KCNH5: variants seen among roughly 807,000 people sequenced by gnomAD.
KCNH5 encodes the protein voltage-gated delayed rectifier potassium channel KCNH5.
Under a neutral mutation model 96.1 loss-of-function variants are expected in KCNH5, and 46 were observed. The ratio of observed to expected loss-of-function variants is 0.48; its 90% CI spans 0.38 to 0.61. The LOEUF is 0.61. Among genes scored for constraint, KCNH5 ranks in the 20% least tolerant of loss-of-function variants. The pLI, the probability that KCNH5 is intolerant of heterozygous loss-of-function variation, is 0.00. For missense variants in KCNH5, 907 were observed against 1,225.8 expected, an observed-to-expected ratio of 0.74 and a Z score of 3.88; for synonymous variants, 439 against 449.8, an observed-to-expected ratio of 0.98 and a Z score of 0.30.
intron 7 of KCNH5, among the ~76,000 whole-genome samples, chr14:62,874,737 C>A (rs1463280700): frequency 7.4e-6 from 1 of 135,258 alleles, no homozygotes; most frequent in African/African-American, 2.8e-5. Flanking sequence ...CAATATCATA[C>A]TGAATGGGCA....
chr14:62,964,978 A>G (rs891548514), intron 6 of KCNH5, among the ~76,000 whole-genome samples: 4 of 152,098 alleles, frequency 2.6e-5, no homozygotes, highest in Non-Finnish European at 5.9e-5. Context: ...TGTCTGGTGC[A>G]ATTTCTCTTT....
At chr14:63,015,465 C>T (rs1249375690) in intron 2 of KCNH5, among the ~76,000 whole-genome samples, 1 of 151,976 alleles carries the variant, frequency 6.6e-6, no homozygotes, top group Non-Finnish European at 1.5e-5. Flanking sequence ...ATGACTCTCT[C>T]TCTCTGCCTT....
At chr14:62,872,133 T>TGGTC (rs1384190868) in intron 7 of KCNH5, among the ~76,000 whole-genome samples, 2 of 152,242 alleles carry the variant, frequency 1.3e-5, no homozygotes, top group African/African-American at 4.8e-5. Context: ...TTTCATTTCC[T>TGGTC]GGTCATTCAT....
intron 8 of KCNH5, among the ~76,000 whole-genome samples, chr14:62,840,882 T>C (rs1195632385): frequency 6.6e-6 from 1 of 152,064 alleles, no homozygotes; most frequent in African/African-American, 2.4e-5. Context: ...CTTTCTTACA[T>C]AACAATTTTT....
At chr14:63,030,430 C>A (rs1891603630) in intron 1 of KCNH5, among the ~76,000 whole-genome samples, 1 of 152,140 alleles carries the variant, frequency 6.6e-6, no homozygotes, top group African/African-American at 2.4e-5. Flanking sequence ...CAGAGGAGAA[C>A]ATAAAATAAA....
chr14:62,707,684 G>A lies in KCNH5; in HGVS notation c.2791C>T (p.Leu931=). Residue 931 remains leucine, a synonymous_variant, in exon 11 of 11, where the codon CTA becomes TTA. Transcript: ENST00000322893. ...AAAATTTCTGCCACCTGCTTTTCTAGGGCAGTCATTCTGCAGCTGAGCAGC... is the reference window on the plus strand; with the variant it reads ...AAAATTTCTGCCACCTGCTTTTCTAAGGCAGTCATTCTGCAGCTGAGCAGC... ...IQLLSCRMTA[L]EKQVAEILKI... 6.3e-7 allele frequency: 1 copy of A among 1,594,960 alleles called. No individual in the cohort carries two copies.
chr14:62,902,239 T>C (rs1888942499), intron 7 of KCNH5, among the ~76,000 whole-genome samples: 1 of 152,162 alleles, frequency 6.6e-6, no homozygotes, highest in Non-Finnish European at 1.5e-5. Flanking sequence ...TGTCAATTTT[T>C]GATTTTTCTT....
At chr14:62,708,539 G>T in intron 10 of KCNH5, 84 bp from the exon 11 acceptor site, 1 of 793,130 alleles carries the variant, frequency 1.3e-6, no homozygotes, top group Non-Finnish European at 1.9e-6. Flanking sequence ...TATGTGCTTT[G>T]TGTTACAAAG....
chr14:62,917,049 G>GAATACAAACTAA (rs1489770041), intron 7 of KCNH5, among the ~76,000 whole-genome samples: 1 of 152,062 alleles, frequency 6.6e-6, no homozygotes, highest in African/African-American at 2.4e-5. Context: ...AATGATATTG[G>GAATACAAACTAA]AATACAAACT....
At chr14:62,849,073 T>A (rs1347200837) in intron 8 of KCNH5, among the ~76,000 whole-genome samples, 1 of 152,094 alleles carries the variant, frequency 6.6e-6, no homozygotes, top group Non-Finnish European at 1.5e-5. Context: ...ATCAGCTCCA[T>A]GAAAAGGCAA....
intron 7 of KCNH5, among the ~76,000 whole-genome samples, chr14:62,905,644 T>C (rs541030730): frequency 6.6e-6 from 1 of 152,310 alleles, no homozygotes; most frequent in African/African-American, 2.4e-5. Context: ...TTCCCTGCTC[T>C]CCAGTAAATT....
chr14:62,859,080 A>T (rs1195809268), intron 7 of KCNH5, among the ~76,000 whole-genome samples: 3 of 152,198 alleles, frequency 2.0e-5, no homozygotes, highest in Non-Finnish European at 4.4e-5. Context: ...TAGTTTTGGC[A>T]GAAGCACTGC....
At chr14:62,916,499 C>T (rs900733152) in intron 7 of KCNH5, among the ~76,000 whole-genome samples, 3 of 152,156 alleles carry the variant, frequency 2.0e-5, no homozygotes, top group Admixed American at 1.3e-4. Context: ...TAATTAACTT[C>T]GAGGGAAAGC....
At chr14:62,961,380 C>G (rs1890202262) in intron 6 of KCNH5, among the ~76,000 whole-genome samples, 1 of 152,112 alleles carries the variant, frequency 6.6e-6, no homozygotes, top group South Asian at 2.1e-4. Context: ...TTTCTTTTGT[C>G]TGGTGAATTC....
At chr14:62,735,641 C>T (rs1051720628) in intron 10 of KCNH5, among the ~76,000 whole-genome samples, 3 of 152,216 alleles carry the variant, frequency 2.0e-5, no homozygotes, top group African/African-American at 7.2e-5. Flanking sequence ...ACCGATACCA[C>T]TCTGGCCAAT....
chr14:63,003,414 T>G, intron 3 of KCNH5, among the ~76,000 whole-genome samples: 1 of 133,886 alleles, frequency 7.5e-6, no homozygotes, highest in Non-Finnish European at 1.7e-5. Context: ...CTATCAGTTC[T>G]GCATTTGAGT....
intron 7 of KCNH5, among the ~76,000 whole-genome samples, chr14:62,874,560 C>T (rs995650377): frequency 2.0e-5 from 3 of 151,974 alleles, no homozygotes; most frequent in African/African-American, 7.2e-5. Context: ...TAAATGTAAT[C>T]CAGCATATAA....
At chr14:63,020,203 T>C (rs968838575) in intron 1 of KCNH5, among the ~76,000 whole-genome samples, 1 of 152,126 alleles carries the variant, frequency 6.6e-6, no homozygotes, top group Non-Finnish European at 1.5e-5. Context: ...TAGTGCTCCT[T>C]ATAAAATGCT....
chr14:62,757,512 T>G (rs1254240803), intron 10 of KCNH5, among the ~76,000 whole-genome samples: 1 of 151,910 alleles, frequency 6.6e-6, no homozygotes, highest in Non-Finnish European at 1.5e-5. Context: ...GCAGCACTGT[T>G]CACAATAGCC....
Sources: gnomAD v4.1 joint callset for allele counts (sites outside exome capture counted in the v4.1 genomes callset) on GRCh38, gnomAD v4.1.1 for gene constraint, MANE v1.5 for transcripts, NCBI Gene and HGNC (gene_info 2026-07-23, HGNC 2026-07-21) for gene names.